The following PLXDC2 variants were observed in gnomAD, a reference collection of about 807,000 sequenced individuals.
PLXDC2 encodes plexin domain containing 2.
PLXDC2 carries 40 observed loss-of-function variants against 68.9 expected under a neutral mutation model. That is an observed-to-expected ratio of 0.58 (90% CI 0.45 to 0.76). The LOEUF is 0.76. Ranked by LOEUF, PLXDC2 falls within the 30% of genes least tolerant of loss-of-function variation. The pLI is 0.00. For synonymous variants in PLXDC2, 243 were observed against 234.2 expected (o/e 1.04, Z -0.34); for missense variants, 644 against 661.9 (o/e 0.97, Z 0.30).
At chr10:20,048,420 A>G (rs1001702328) in intron 3 of PLXDC2, among the ~76,000 whole-genome samples, 2 of 152,040 alleles carry the variant, frequency 1.3e-5, no homozygotes, top group South Asian at 2.1e-4. Flanking sequence ...GGTAGGCAAG[A>G]TGACAGATTT....
Position 19,878,436 on chromosome 10 carries a change from A to T in PLXDC2, c.112+61245A>T, listed in dbSNP as rs190523020. Among the ~76,000 whole-genome samples the T allele has an allele frequency of 1.5e-3, 234 of 152,326 alleles. 1 individual carries two copies. Among genetic ancestry groups the T allele is most frequent in the Non-Finnish European group, 2.7e-3 (183 of 68,026 alleles). On this transcript the variant is annotated intron_variant, in intron 1 of 13. Transcript: ENST00000377252. Reference sequence around the variant, plus strand: ...TATTTTCTTGGAAAAGAGCATAAACATTTAAAGAAACATTAAGGTTGCAAA... The same window carrying T: ...TATTTTCTTGGAAAAGAGCATAAACTTTTAAAGAAACATTAAGGTTGCAAA...
intron 1 of PLXDC2, among the ~76,000 whole-genome samples, chr10:19,978,244 C>G (rs1834491721): frequency 6.6e-6 from 1 of 152,186 alleles, no homozygotes; most frequent in Non-Finnish European, 1.5e-5. Context: ...AGCTTACAGT[C>G]TTTAACCTGA....
intron 4 of PLXDC2, among the ~76,000 whole-genome samples, chr10:20,078,041 C>A (rs1441029437): frequency 6.6e-6 from 1 of 152,064 alleles, no homozygotes; most frequent in Admixed American, 6.6e-5. Context: ...ATCTTTACTC[C>A]AACGTATTTT....
intron 1 of PLXDC2, among the ~76,000 whole-genome samples, chr10:19,951,308 C>G (rs925205971): frequency 6.6e-6 from 1 of 152,002 alleles, no homozygotes; most frequent in Non-Finnish European, 1.5e-5. Flanking sequence ...AAAGCAACCC[C>G]ATTAAAAAGT....
In PLXDC2 at chr10:19,816,700, A is replaced by G. The variant is rs1375174685; in HGVS notation, c.-380A>G. ...GTGGAATTAGATCTGTTTTGAACCC[A>G]GTGGAGCGCATCGCTGGGGCTCGGA... On this transcript the variant is annotated 5_prime_UTR_variant, in exon 1 of 14. Coordinates refer to ENST00000377252, the MANE Select transcript of PLXDC2 (RefSeq NM_032812.9). 5.7e-6 allele frequency: 2 copies of G among 353,006 alleles called. No homozygotes were observed. The highest frequency in any genetic ancestry group is 1.1e-5 in the Non-Finnish European group (2 of 188,816). The allele number at this position is 353,006 out of a possible 1,614,324, so 21.9% of individuals were successfully genotyped here. A position where few individuals can be genotyped will look rare whatever the true frequency, so the allele number is the denominator to read the frequency against.
intron 2 of PLXDC2, among the ~76,000 whole-genome samples, chr10:20,007,796 G>A (rs1835050607): frequency 1.3e-5 from 2 of 152,206 alleles, no homozygotes; most frequent in South Asian, 4.1e-4. Context: ...ACTTTGGGTT[G>A]CAAGGATTTA....
intron 1 of PLXDC2, among the ~76,000 whole-genome samples, chr10:19,998,694 G>C (rs1423587681): frequency 6.6e-6 from 1 of 152,078 alleles, no homozygotes; most frequent in African/African-American, 2.4e-5. Context: ...CCAAGTTTGA[G>C]GTAGCAAATT....
intron 2 of PLXDC2, among the ~76,000 whole-genome samples, chr10:20,045,218 C>T (rs1321171655): frequency 1.3e-5 from 2 of 152,116 alleles, no homozygotes; most frequent in Non-Finnish European, 2.9e-5. Flanking sequence ...GTCTCCCAGG[C>T]TGGAGTGCAG....
At chr10:19,863,762 G>A (rs1292179904) in intron 1 of PLXDC2, among the ~76,000 whole-genome samples, 1 of 152,108 alleles carries the variant, frequency 6.6e-6, no homozygotes, top group African/African-American at 2.4e-5. Flanking sequence ...TGTTGGATGA[G>A]AGAGAGTAAA....
intron 4 of PLXDC2, among the ~76,000 whole-genome samples, chr10:20,127,411 G>C (rs1160511651): frequency 6.6e-6 from 1 of 152,128 alleles, no homozygotes; most frequent in Non-Finnish European, 1.5e-5. Flanking sequence ...TTTCAAAATT[G>C]TACAATAAAA....
intron 4 of PLXDC2, among the ~76,000 whole-genome samples, chr10:20,085,167 T>TAA (rs11412697): frequency 4.0e-5 from 6 of 150,140 alleles, no homozygotes; most frequent in African/African-American, 9.8e-5. Context: ...TCTGTGTGCT[T>TAA]AAAAAAAGGT....
chr10:20,096,973 A>G (rs761086528), intron 4 of PLXDC2, among the ~76,000 whole-genome samples: 8 of 152,124 alleles, frequency 5.3e-5, no homozygotes, highest in Non-Finnish European at 8.8e-5. Flanking sequence ...TTTCAGAACA[A>G]CAGTTTTGCA....
chr10:19,967,985 T>G (rs1564642409), intron 1 of PLXDC2, among the ~76,000 whole-genome samples: 1 of 152,236 alleles, frequency 6.6e-6, no homozygotes, highest in Non-Finnish European at 1.5e-5. Flanking sequence ...CTGAAAGGAC[T>G]TGGAATATTT....
chr10:20,015,914 T>A (rs1835202321), intron 2 of PLXDC2, among the ~76,000 whole-genome samples: 1 of 152,178 alleles, frequency 6.6e-6, no homozygotes, highest in Non-Finnish European at 1.5e-5. Flanking sequence ...ACCAAGTATT[T>A]CTTTTTACTA....
At chr10:20,067,228 G>C (rs1388139112) in intron 3 of PLXDC2, among the ~76,000 whole-genome samples, 2 of 152,100 alleles carry the variant, frequency 1.3e-5, no homozygotes, top group Admixed American at 6.6e-5. Flanking sequence ...GGAAAACAAA[G>C]GGTGCAATCC....
chr10:20,103,772 G>A (rs1589630852), intron 4 of PLXDC2, among the ~76,000 whole-genome samples: 2 of 151,864 alleles, frequency 1.3e-5, no homozygotes, highest in South Asian at 2.1e-4. Flanking sequence ...TTCCTGAGTA[G>A]CTTGGGTTTA....
At chr10:19,932,911 G>A (rs568950262) in intron 1 of PLXDC2, among the ~76,000 whole-genome samples, 1 of 152,284 alleles carries the variant, frequency 6.6e-6, no homozygotes, top group Admixed American at 6.5e-5. Flanking sequence ...TGGAGAACAG[G>A]GGACGGGATT....
intron 12 of PLXDC2, among the ~76,000 whole-genome samples, chr10:20,227,170 G>C (rs1484068451): frequency 6.6e-6 from 1 of 152,010 alleles, no homozygotes; most frequent in Non-Finnish European, 1.5e-5. Context: ...TTCAACTATT[G>C]TGTACCAGGC....
At chr10:19,897,974 A>G (rs2131365180) in intron 1 of PLXDC2, among the ~76,000 whole-genome samples, 1 of 152,314 alleles carries the variant, frequency 6.6e-6, no homozygotes, top group East Asian at 1.9e-4. Flanking sequence ...AAACTGAAAA[A>G]AATACCTGTT....
Sources: allele counts gnomAD v4.1 joint callset (sites outside exome capture counted in the v4.1 genomes callset), GRCh38; gene constraint gnomAD v4.1.1; transcripts MANE v1.5; gene names NCBI Gene and HGNC (gene_info 2026-07-23, HGNC 2026-07-21).